Variants in BIVM observed in about 807,000 individuals in gnomAD.
BIVM encodes the protein basic, immunoglobulin-like variable motif containing.
BIVM carries 31 observed loss-of-function variants against 61.4 expected under a neutral mutation model. The ratio of observed to expected loss-of-function variants is 0.51; its 90% CI spans 0.38 to 0.68. The LOEUF (loss-of-function observed/expected upper bound fraction) is 0.68, where lower values mean the gene tolerates loss of function less well. Ranked by LOEUF, BIVM falls within the 30% of genes least tolerant of loss-of-function variation. BIVM has a pLI of 0.00. For missense variants in BIVM, 526 were observed against 596.0 expected, an observed-to-expected ratio of 0.88 and a Z score of 1.22; for synonymous variants, 189 against 210.7, an observed-to-expected ratio of 0.90 and a Z score of 0.89.
Position 102,840,187 on chromosome 13 carries a change from G to T in BIVM, c.*322G>T, listed in dbSNP as rs956039001. On this transcript the variant is annotated 3_prime_UTR_variant, in exon 11 of 11. Coordinates refer to ENST00000257336, the MANE Select transcript of BIVM (RefSeq NM_017693.4). Reference sequence around the variant, plus strand: ...AATTCACTTAATAGCATCAAGATTTGAAATACTTAAGCATGAAGTGACTTT... The same window carrying T: ...AATTCACTTAATAGCATCAAGATTTTAAATACTTAAGCATGAAGTGACTTT... 2.4e-5 allele frequency: 5 copies of T among 209,688 alleles called. No homozygotes were observed. Among genetic ancestry groups the T allele is most frequent in the Non-Finnish European group, 4.7e-5 (5 of 106,248 alleles). The allele number at this position is 209,688 out of a possible 1,614,324, so 13.0% of individuals were successfully genotyped here.
chr13:102,804,518 G>A (rs1878940497), intron 1 of BIVM, among the ~76,000 whole-genome samples: 1 of 152,094 alleles, frequency 6.6e-6, no homozygotes, highest in African/African-American at 2.4e-5. Flanking sequence ...TTCACCCTGT[G>A]TGCCAGGCTG....
chr13:102,802,794 A>G (rs144581457), intron 1 of BIVM, among the ~76,000 whole-genome samples: 16 of 139,286 alleles, frequency 1.1e-4, no homozygotes, highest in African/African-American at 3.8e-4. Flanking sequence ...TGCCCAGGCT[A>G]GAGTGCAGTG....
intron 7 of BIVM, among the ~76,000 whole-genome samples, chr13:102,826,935 C>T (rs1595356901): frequency 6.6e-6 from 1 of 152,098 alleles, no homozygotes; most frequent in Non-Finnish European, 1.5e-5. Context: ...CAGCTATATA[C>T]ATTTAATCAA....
At chr13:102,801,638 A>G (rs950741566) in intron 1 of BIVM, 1 of 152,224 alleles carries the variant, frequency 6.6e-6, no homozygotes, top group African/African-American at 2.4e-5. Context: ...AATGCCTGGC[A>G]TGATGCAAAC....
intron 1 of BIVM, among the ~76,000 whole-genome samples, chr13:102,803,279 G>A (rs1250232073): frequency 7.2e-5 from 11 of 152,008 alleles, no homozygotes; most frequent in African/African-American, 2.7e-4. Flanking sequence ...GAGGCCAGCA[G>A]ATCACCTGAG....
intron 5 of BIVM, 38 bp from the exon 6 acceptor site, chr13:102,821,705 A>G (rs1289131746): frequency 6.9e-6 from 11 of 1,594,236 alleles, no homozygotes; most frequent in Non-Finnish European, 9.4e-6. Flanking sequence ...GTATGACTGG[A>G]ATTGAAAAAT....
At chr13:102,838,570 C>T (rs1427273354) in intron 9 of BIVM, 73 bp from the exon 10 acceptor site, 82 of 1,278,910 alleles carry the variant, frequency 6.4e-5, no homozygotes, top group Non-Finnish European at 8.4e-5. Flanking sequence ...GCAACTTGCT[C>T]ATGAAAAATT....
At chr13:102,838,792 G>A (rs377266966) in intron 10 of BIVM, 53 bp downstream of exon 10, 45 of 1,541,370 alleles carry the variant, frequency 2.9e-5, no homozygotes, top group African/African-American at 6.9e-5. Context: ...CCAAAATGTG[G>A]TGTTTTACTT....
At chr13:102,823,892 G>A (rs1880467293) in intron 7 of BIVM, among the ~76,000 whole-genome samples, 1 of 152,014 alleles carries the variant, frequency 6.6e-6, no homozygotes, top group Non-Finnish European at 1.5e-5. Context: ...TGTATTTGGT[G>A]TAATGTAGGA....
chr13:102,801,234 C>T (rs946570607), intron 1 of BIVM, among the ~76,000 whole-genome samples: 2 of 148,474 alleles, frequency 1.3e-5, no homozygotes, highest in Non-Finnish European at 3.0e-5. Context: ...TGCAGTCATT[C>T]TTAGTAGTAA....
chr13:102,834,513 G>T lies in BIVM; in HGVS notation c.1082G>T (p.Gly361Val). The T allele has an allele frequency of 6.3e-7, 1 of 1,593,004 alleles. No individual in the cohort carries two copies. Among genetic ancestry groups the T allele is most frequent in the East Asian group, 2.3e-5 (1 of 44,098 alleles). ...GAAGTTGAATATTGGATCTTAATTG[G>T]AGAATCAAGTAGAAAACATCCTGCC... ...PQEVEYWILI[G>V]ESSRKHPAIH... is the part of the protein sequence containing the mutation. The change falls in exon 9 of 11, where the codon GGA (glycine) becomes GTA (valine). Residue 361 changes from glycine to valine, a missense_variant. Around this residue, in one of 3 missense-constraint regions of BIVM, gnomAD observed 210 missense variants for 233.1 expected, o/e 0.90. Transcript: ENST00000257336.
intron 1 of BIVM, chr13:102,801,859 G>A (rs1878773895): frequency 1.3e-5 from 2 of 152,274 alleles, no homozygotes; most frequent in Admixed American, 6.6e-5. Flanking sequence ...AAGCCAAGAA[G>A]GTTTCCCCCA....
intron 10 of BIVM, 25 bp from the exon 11 acceptor site, chr13:102,839,547 T>G (rs776123366): frequency 6.2e-7 from 1 of 1,608,918 alleles, no homozygotes; most frequent in South Asian, 1.1e-5. Context: ...TTTATTTTCT[T>G]CAGCCAACAT....
intron 7 of BIVM, among the ~76,000 whole-genome samples, chr13:102,830,279 G>A (rs749269967): frequency 1.6e-4 from 25 of 152,148 alleles, no homozygotes; most frequent in Non-Finnish European, 3.1e-4. Context: ...TTCTGCGGCC[G>A]TGGACCTGCT....
chr13:102,831,722 G>A (rs1881082190), intron 8 of BIVM, 25 bp downstream of exon 8: 1 of 1,613,044 alleles, frequency 6.2e-7, no homozygotes. Context: ...GTTTTAGAAA[G>A]TGCATTTTAA....
intron 1 of BIVM, among the ~76,000 whole-genome samples, chr13:102,803,269 G>A (rs1443319725): frequency 2.6e-5 from 4 of 151,900 alleles, no homozygotes; most frequent in African/African-American, 7.3e-5. Context: ...TTGGGGGGCC[G>A]AGGCCAGCAG....
chr13:102,816,632 T>A, intron 4 of BIVM, 78 bp downstream of exon 4: 1 of 1,234,000 alleles, frequency 8.1e-7, no homozygotes, highest in Non-Finnish European at 1.1e-6. Flanking sequence ...GTTTACAAAT[T>A]AATACATTAT....
rs374414746 is a variant in BIVM at position 102,807,480 on chromosome 13, G to A, written c.213G>A (p.Ser71=). The A allele has an allele frequency of 1.2e-4, 194 of 1,614,012 alleles. No homozygotes were observed. The highest frequency in any genetic ancestry group is 1.6e-4 in the Non-Finnish European group (184 of 1,180,032). The stretch of plus-strand genomic sequence containing the variant: ...GGGAAAAAATTTATGCCATCTGTTC[G>A]GACTATGCCTTTCTCAACCAGGCGA... ...HTREKIYAIC[S]DYAFLNQATS... is the part of the protein sequence containing the mutation. The change falls in exon 3 of 11, where the codon TCG becomes TCA. Residue 71 remains serine, a synonymous_variant. Coordinates refer to ENST00000257336, the MANE Select transcript of BIVM (RefSeq NM_017693.4). The surrounding 1 kb of genome is among the most constrained non-coding windows in gnomAD (Gnocchi z 4.0).
intron 10 of BIVM, among the ~76,000 whole-genome samples, chr13:102,839,018 T>G (rs1343308134): frequency 6.6e-6 from 1 of 152,212 alleles, no homozygotes; most frequent in African/African-American, 2.4e-5. Flanking sequence ...GTTCTTAGCT[T>G]TCCTTTTGTC....
Sources: allele counts gnomAD v4.1 joint callset (sites outside exome capture counted in the v4.1 genomes callset), GRCh38; gene constraint gnomAD v4.1.1; regional missense constraint gnomAD v4.1.1; non-coding constraint Gnocchi (gnomAD v3.1); transcripts MANE v1.5; gene names NCBI Gene and HGNC (gene_info 2026-07-23, HGNC 2026-07-21).